Variants in NBEA observed in about 807,000 individuals in gnomAD.
NBEA encodes the protein lysosomal-trafficking regulator 2.
Under a neutral mutation model 343.4 loss-of-function variants are expected in NBEA, and 44 were observed. The observed-to-expected ratio is 0.13, with a 90% CI of 0.10 to 0.16. NBEA has a LOEUF of 0.16. Ranked by LOEUF, NBEA falls within the 10% of genes least tolerant of loss-of-function variation. The pLI is 1.00. For synonymous variants in NBEA, 1,175 were observed against 1,238.7 expected, an observed-to-expected ratio of 0.95 and a Z score of 1.08; for missense variants, 2,555 against 3,631.3, an observed-to-expected ratio of 0.70 and a Z score of 7.62.
intron 41 of NBEA, among the ~76,000 whole-genome samples, chr13:35,510,159 G>A (rs1159685411): frequency 6.6e-6 from 1 of 152,152 alleles, no homozygotes; most frequent in Non-Finnish European, 1.5e-5. Flanking sequence ...GATTAAGACT[G>A]TGAGCGTTTG....
rs202190713 is a variant in NBEA, at chr13:35,096,222, G to A, written c.1572-2075G>A. The stretch of plus-strand genomic sequence containing the variant: ...GATTTTTTTTTTTTTTTGCAAAGAT[G>A]TGGTATTGCTATTGCATTGGGTTTT... On this transcript the variant is annotated intron_variant, in intron 10 of 58. Coordinates refer to ENST00000379939, the MANE Select transcript of NBEA (RefSeq NM_001385012.1). Among the ~76,000 whole-genome samples the A allele has an allele frequency of 7.4e-5, 11 of 148,308 alleles. No homozygotes were observed. In the East Asian group the frequency reaches 2.2e-3, roughly 29 times the overall value.
At chr13:35,355,230 C>G (rs1402531180) in intron 38 of NBEA, among the ~76,000 whole-genome samples, 1 of 140,342 alleles carries the variant, frequency 7.1e-6, no homozygotes, top group Non-Finnish European at 1.7e-5. Context: ...TTTCACTTGA[C>G]TTATTGTACC....
intron 48 of NBEA, among the ~76,000 whole-genome samples, chr13:35,611,962 G>A (rs1306973322): frequency 1.3e-5 from 2 of 152,044 alleles, no homozygotes; most frequent in African/African-American, 4.8e-5. Context: ...GTAAATTTAT[G>A]TTTAACTTCT....
chr13:35,361,894 G>C (rs1049912741), intron 38 of NBEA, among the ~76,000 whole-genome samples: 1 of 151,970 alleles, frequency 6.6e-6, no homozygotes, highest in African/African-American at 2.4e-5. Context: ...ACACCTGAGG[G>C]AGGATTTAAC....
intron 41 of NBEA, chr13:35,476,776 C>T: frequency 6.8e-6 from 7 of 1,036,780 alleles, no homozygotes; most frequent in African/African-American, 3.4e-5. Flanking sequence ...TCACGACAGC[C>T]TCCTTCAGCT....
chr13:35,053,313 G>A (rs1176334249), intron 6 of NBEA, among the ~76,000 whole-genome samples: 6 of 152,014 alleles, frequency 3.9e-5, no homozygotes, highest in African/African-American at 1.4e-4. Flanking sequence ...TACACACTGA[G>A]GAAAGTTTTG....
At chr13:35,059,477 G>T (rs2063384237) in intron 8 of NBEA, among the ~76,000 whole-genome samples, 1 of 151,830 alleles carries the variant, frequency 6.6e-6, no homozygotes, top group African/African-American at 2.4e-5. Context: ...AGTACATCTG[G>T]CTAGGGGAGT....
chr13:35,358,176 C>A (rs1287002003), intron 38 of NBEA, among the ~76,000 whole-genome samples: 1 of 151,794 alleles, frequency 6.6e-6, no homozygotes, highest in Non-Finnish European at 1.5e-5. Flanking sequence ...CACGCACCAC[C>A]ACACCCAGCT....
At chr13:35,349,419 G>T (rs1366127498) in intron 37 of NBEA, among the ~76,000 whole-genome samples, 1 of 151,954 alleles carries the variant, frequency 6.6e-6, no homozygotes, top group African/African-American at 2.4e-5. Flanking sequence ...CATTCCTTCT[G>T]CCCTATATAT....
At chr13:35,659,925 G>A (rs2084997359) in intron 55 of NBEA, among the ~76,000 whole-genome samples, 1 of 152,134 alleles carries the variant, frequency 6.6e-6, no homozygotes, top group Admixed American at 6.5e-5. Context: ...CACTTTAATT[G>A]GAAGCAGCCT....
intron 39 of NBEA, among the ~76,000 whole-genome samples, chr13:35,438,677 T>G (rs1480252290): frequency 6.6e-6 from 1 of 152,198 alleles, no homozygotes; most frequent in East Asian, 1.9e-4. Context: ...TATTGAAAGT[T>G]AATGATGTAA....
chr13:35,292,720 T>C (rs1157699662), intron 35 of NBEA, among the ~76,000 whole-genome samples: 1 of 152,060 alleles, frequency 6.6e-6, no homozygotes, highest in Non-Finnish European at 1.5e-5. Context: ...TATCTTGATA[T>C]ACTATGTGTA....
At chr13:35,375,776 C>CA (rs1419946638) in intron 38 of NBEA, among the ~76,000 whole-genome samples, 12 of 152,218 alleles carry the variant, frequency 7.9e-5, no homozygotes, top group African/African-American at 1.7e-4. Flanking sequence ...AACAAGTGAT[C>CA]TTAAATATAA....
chr13:35,337,582 A>G (rs563214139), intron 36 of NBEA, among the ~76,000 whole-genome samples: 12 of 152,242 alleles, frequency 7.9e-5, no homozygotes, highest in African/African-American at 2.9e-4. Flanking sequence ...ATTTTGAATA[A>G]TGGATAGAAC....
intron 17 of NBEA, among the ~76,000 whole-genome samples, chr13:35,129,387 A>G (rs1279692812): frequency 6.6e-6 from 1 of 152,198 alleles, no homozygotes; most frequent in Non-Finnish European, 1.5e-5. Context: ...AATCAAGCAT[A>G]CTAAAAGAAA....
At chr13:35,101,989 T>C (rs2065668764) in intron 11 of NBEA, among the ~76,000 whole-genome samples, 1 of 151,826 alleles carries the variant, frequency 6.6e-6, no homozygotes, top group Non-Finnish European at 1.5e-5. Context: ...ATAAGATTAT[T>C]CTGTTTCCTT....
chr13:35,058,307 C>G lies in NBEA; in HGVS notation c.1093-410C>G, dbSNP rs550088652. ...TAAAGTAGAATAAAAAAATTAGACCCTATGTGTTCATGATTAAATTTTGGA... is the reference window on the plus strand; with the variant it reads ...TAAAGTAGAATAAAAAAATTAGACCGTATGTGTTCATGATTAAATTTTGGA... On this transcript the variant is annotated intron_variant, in intron 7 of 58. Transcript: ENST00000379939. Among the ~76,000 whole-genome samples, 22 of 152,152 alleles carry G rather than the reference C, an allele frequency of 1.4e-4. No individual in the cohort carries two copies. The South Asian group carries it at 3.9e-3, about 27-fold the overall frequency.
chr13:35,107,243 C>G (rs17775856), intron 11 of NBEA, among the ~76,000 whole-genome samples: 6,930 of 151,564 alleles, frequency 0.046, 237 homozygotes, highest in Non-Finnish European at 0.067. Context: ...ATTACCCGAT[C>G]TTTACTTTTT....
At chr13:35,290,318 T>A (rs1233580952) in intron 34 of NBEA, 71 bp from the exon 35 acceptor site, 4 of 954,870 alleles carry the variant, frequency 4.2e-6, no homozygotes, top group Non-Finnish European at 6.6e-6. Context: ...TAAAATTATA[T>A]AATGAATTAA....
Sources: gnomAD v4.1 joint callset for allele counts (sites outside exome capture counted in the v4.1 genomes callset) on GRCh38, gnomAD v4.1.1 for gene constraint, MANE v1.5 for transcripts, NCBI Gene and HGNC (gene_info 2026-07-23, HGNC 2026-07-21) for gene names.